The following KIAA0586 variants were observed in gnomAD, a reference collection of about 807,000 sequenced individuals.
KIAA0586 encodes protein TALPID3.
KIAA0586 carries 144 observed loss-of-function variants against 169.8 expected under a neutral mutation model. The ratio of observed to expected loss-of-function variants is 0.85; its 90% CI spans 0.74 to 0.97. The LOEUF is 0.97. KIAA0586 is among the 50% of genes least tolerant of loss of function. The pLI is 0.00. For synonymous variants in KIAA0586, 625 were observed against 612.4 expected, an observed-to-expected ratio of 1.02 and a Z score of -0.30; for missense variants, 1,854 against 1,823.0, an observed-to-expected ratio of 1.02 and a Z score of -0.31.
At position 58,454,589 on chromosome 14, in the gene KIAA0586, G is replaced by A. The variant is rs529682709; in HGVS notation, c.1253+1116G>A. 1.8e-4 allele frequency among the ~76,000 whole-genome samples: 28 copies of A among 152,238 alleles called. 1 individual carries two copies. In the South Asian group the frequency reaches 5.6e-3, roughly 30 times the overall value. On this transcript the variant is annotated intron_variant, in intron 9 of 30. Transcript: ENST00000652326. ...CCTGATAGTATTTCTTATAGGGTAG[G>A]TCTGTTAGCAGTGAATTTTCTCAGT...
At chr14:58,521,833 C>T (rs113365173) in intron 29 of KIAA0586, 27 of 874,438 alleles carry the variant, frequency 3.1e-5, no homozygotes, top group South Asian at 7.9e-5. Context: ...AAGGTGGAGT[C>T]GGAGCGGGGT....
chr14:58,547,858 G>A lies in KIAA0586; in HGVS notation c.4573G>A (p.Glu1525Lys), dbSNP rs375085808. 2.0e-5 allele frequency: 32 copies of A among 1,613,594 alleles called. No individual in the cohort carries two copies. Among genetic ancestry groups the A allele is most frequent in the South Asian group, 4.4e-5 (4 of 91,060 alleles). ...AGTGATGCTGCCGTCAGTGAACCTC[G>A]AGGACTGCTCTCAGTCTCTGAGTCT... is the stretch of plus-strand genomic sequence containing the variant. ...MSVMLPSVNL[E>K]DCSQSLSLST... The change falls in exon 31 of 31, where the codon GAG (glutamate) becomes AAG (lysine). Residue 1525 changes from glutamate to lysine, a missense_variant. Physicochemically the swap from Glu to Lys is moderately conservative, Grantham distance 56 (BLOSUM62 1). Coordinates refer to ENST00000652326, the MANE Select transcript of KIAA0586 (RefSeq NM_001329943.3).
At position 58,459,855 on chromosome 14, in the gene KIAA0586, A is replaced by G; in HGVS notation, c.1669A>G (p.Arg557Gly). 2 of 1,524,594 alleles carry G rather than the reference A, an allele frequency of 1.3e-6. No homozygotes were observed. Among genetic ancestry groups the G allele is most frequent in the East Asian group, 2.5e-5 (1 of 40,714 alleles). The allele number at this position is 1,524,594 out of a possible 1,614,324, so 94.4% of individuals were successfully genotyped here. Residue 557 changes from arginine to glycine, a missense_variant, in exon 13 of 31, where the codon AGA (arginine) becomes GGA (glycine). Transcript: ENST00000652326. ...TGGTTATGTTAAGGATGAACTGTCA[A>G]GAACAGATTATGAACAAAAAAGATT... ...ISAEIQDELS[R>G]TDYEQKRFDQ... is the part of the protein sequence containing the mutation.
chr14:58,500,394 G>A (rs374222897), intron 27 of KIAA0586, among the ~76,000 whole-genome samples: 73 of 152,132 alleles, frequency 4.8e-4, no homozygotes, highest in African/African-American at 1.3e-3. Context: ...AAGACACAGC[G>A]GAGCCTTTTT....
At chr14:58,437,814 G>A (rs2037963031) in intron 4 of KIAA0586, among the ~76,000 whole-genome samples, 1 of 152,030 alleles carries the variant, frequency 6.6e-6, no homozygotes, top group South Asian at 2.1e-4. Flanking sequence ...TCTAAGCTCT[G>A]GGAATAGTTG....
chr14:58,433,127 G>T (rs1473396450), intron 4 of KIAA0586: 1 of 152,282 alleles, frequency 6.6e-6, no homozygotes, highest in Non-Finnish European at 1.5e-5. Context: ...GTCTCGCTCT[G>T]TTGCCTAGGC....
intron 29 of KIAA0586, among the ~76,000 whole-genome samples, chr14:58,534,478 A>G (rs557703426): frequency 1.1e-4 from 16 of 152,336 alleles, no homozygotes; most frequent in African/African-American, 3.8e-4. Context: ...AAGATTTTTT[A>G]AATGCTGAAG....
At chr14:58,557,078 A>G in the KIAA0586 span, among the ~76,000 whole-genome samples, 1 of 152,142 alleles carries the variant, frequency 6.6e-6, no homozygotes, top group Non-Finnish European at 1.5e-5. Context: ...GTGGCATTCC[A>G]TTGTGTGACT....
intron 29 of KIAA0586, among the ~76,000 whole-genome samples, chr14:58,522,200 A>G (rs768230777): frequency 1.3e-5 from 2 of 152,132 alleles, no homozygotes; most frequent in Non-Finnish European, 2.9e-5. Context: ...AGTTTTGTTA[A>G]GTCTTACCTT....
intron 29 of KIAA0586, chr14:58,537,147 C>T (rs1035290820): frequency 5.6e-6 from 6 of 1,075,788 alleles, no homozygotes; most frequent in Non-Finnish European, 6.8e-6. Flanking sequence ...CAGTAAACCT[C>T]GTAAATCAAC....
At chr14:58,470,770 T>C (rs765880748) in intron 17 of KIAA0586, 47 bp downstream of exon 17, 1 of 908,252 alleles carries the variant, frequency 1.1e-6, no homozygotes, top group Non-Finnish European at 1.8e-6. Context: ...TGTCTGACTG[T>C]AGATTTTAAC....
At chr14:58,492,358 A>C (rs534402649) in intron 26 of KIAA0586, 83 bp downstream of exon 26, 2 of 1,296,368 alleles carry the variant, frequency 1.5e-6, no homozygotes, top group Middle Eastern at 2.3e-4. Context: ...TAGTTAAAGC[A>C]TGCTAGTATT....
chr14:58,475,586 CTT>C (rs2041555848), intron 19 of KIAA0586, among the ~76,000 whole-genome samples: 1 of 151,968 alleles, frequency 6.6e-6, no homozygotes, highest in African/African-American at 2.4e-5. Flanking sequence ...ACAATTGTAA[CTT>C]GTTACATATG....
intron 29 of KIAA0586, among the ~76,000 whole-genome samples, chr14:58,518,279 A>C (rs2044911070): frequency 6.6e-6 from 1 of 152,150 alleles, no homozygotes; most frequent in South Asian, 2.1e-4. Context: ...TCTTTTTCTT[A>C]TATTAACACT....
intron 29 of KIAA0586, chr14:58,521,643 G>A: frequency 9.6e-7 from 1 of 1,041,754 alleles, no homozygotes; most frequent in South Asian, 1.3e-5. Flanking sequence ...AAGTTGAAAG[G>A]AGATGACCTT....
intron 29 of KIAA0586, among the ~76,000 whole-genome samples, chr14:58,530,299 T>C (rs1671000725): frequency 6.6e-6 from 1 of 152,194 alleles, no homozygotes; most frequent in African/African-American, 2.4e-5. Context: ...GCTATCCCCA[T>C]CAAGCTACCA....
chr14:58,497,908 C>T (rs545442091), intron 26 of KIAA0586, among the ~76,000 whole-genome samples: 54 of 131,796 alleles, frequency 4.1e-4, no homozygotes, highest in Non-Finnish European at 7.3e-4. Flanking sequence ...GACAGAGTCT[C>T]GCTCTGTCAC....
intron 29 of KIAA0586, among the ~76,000 whole-genome samples, chr14:58,535,529 G>C (rs1197507429): frequency 6.6e-6 from 1 of 152,128 alleles, no homozygotes. Context: ...TTGGCAGTGG[G>C]ATATATACTT....
intron 18 of KIAA0586, among the ~76,000 whole-genome samples, chr14:58,474,258 A>C (rs551811832): frequency 2.0e-5 from 3 of 152,312 alleles, no homozygotes; most frequent in Non-Finnish European, 4.4e-5. Flanking sequence ...AAATATCCAA[A>C]CCATATCAGG....
Sources: allele counts gnomAD v4.1 joint callset (sites outside exome capture counted in the v4.1 genomes callset), GRCh38; gene constraint gnomAD v4.1.1; transcripts MANE v1.5; gene names NCBI Gene and HGNC (gene_info 2026-07-23, HGNC 2026-07-21).